KY: variants seen among roughly 807,000 people sequenced by gnomAD.
KY encodes the protein kyphoscoliosis peptidase.
KY carries 43 observed loss-of-function variants against 76.1 expected under a neutral mutation model. The ratio of observed to expected loss-of-function variants is 0.57; its 90% CI spans 0.44 to 0.73. KY has a LOEUF of 0.73. Ranked by LOEUF, KY falls within the 30% of genes least tolerant of loss-of-function variation. The probability of loss-of-function intolerance (pLI) is 0.00; values close to 1 mark genes in which losing one functional copy is unlikely to be tolerated. For missense variants in KY, 722 were observed against 828.9 expected (o/e 0.87, Z 1.58); for synonymous variants, 277 against 326.2 (o/e 0.85, Z 1.63).
intron 10 of KY, chr3:134,606,970 C>T: frequency 1.0e-6 from 1 of 985,280 alleles, no homozygotes. Flanking sequence ...ACAGAACTAG[C>T]TACCACAAAG....
At chr3:134,644,091 C>T (rs903544828) in intron 2 of KY, among the ~76,000 whole-genome samples, 1 of 152,186 alleles carries the variant, frequency 6.6e-6, no homozygotes, top group Non-Finnish European at 1.5e-5. Context: ...TCCCAAAGTG[C>T]TGGGATTATA....
chr3:134,643,495 A>G, intron 2 of KY, 117 bp from the exon 3 acceptor site: 2 of 755,044 alleles, frequency 2.6e-6, no homozygotes, highest in Non-Finnish European at 4.6e-6. Flanking sequence ...GCACATCCCC[A>G]GGCCTAAATG....
intron 3 of KY, among the ~76,000 whole-genome samples, chr3:134,631,634 T>C (rs1267066758): frequency 6.6e-6 from 1 of 152,176 alleles, no homozygotes; most frequent in African/African-American, 2.4e-5. Flanking sequence ...TTCCTCATTC[T>C]ACTTGAAATG....
In KY at chr3:134,603,367, G is replaced by T. The variant is rs1959052931; in HGVS notation, c.*212C>A. 1 of 491,662 alleles carries T rather than the reference G, an allele frequency of 2.0e-6. No individual in the cohort carries two copies. The highest frequency in any genetic ancestry group is 4.0e-5 in the South Asian group (1 of 24,892). 30.5% of individuals were successfully genotyped at this position (491,662 alleles called of 1,614,324 possible). A position where few individuals can be genotyped will look rare whatever the true frequency, so the allele number is the denominator to read the frequency against. On this transcript the variant is annotated 3_prime_UTR_variant, in exon 11 of 11. Coordinates refer to ENST00000423778, the MANE Select transcript of KY (RefSeq NM_178554.6). The stretch of plus-strand genomic sequence containing the variant: ...CACCTTTTCCTTCTAAAGAGCCACT[G>T]CCTCTGCCCCCTCAGTCACAGCCAC...
chr3:134,633,042 A>G, intron 3 of KY, among the ~76,000 whole-genome samples: 1 of 152,060 alleles, frequency 6.6e-6, no homozygotes, highest in East Asian at 1.9e-4. Context: ...AAAAGTCACT[A>G]ACTACCACAA....
chr3:134,647,611 C>A, intron 1 of KY, 114 bp from the exon 2 acceptor site: 1 of 620,340 alleles, frequency 1.6e-6, no homozygotes, highest in Non-Finnish European at 2.9e-6. Context: ...CTCTTGGAAT[C>A]TGAGAGAGGC....
intron 3 of KY, 115 bp downstream of exon 3, chr3:134,643,201 G>A: frequency 1.1e-6 from 1 of 936,062 alleles, no homozygotes; most frequent in Non-Finnish European, 1.7e-6. Flanking sequence ...CATGGGAGCA[G>A]AGAGGACCCT....
chr3:134,629,778 A>G, intron 3 of KY, 83 bp from the exon 4 acceptor site: 1 of 831,688 alleles, frequency 1.2e-6, no homozygotes, highest in Non-Finnish European at 2.0e-6. Context: ...TTGAATAAAA[A>G]AACAATTAGT....
rs1204797000 is a variant in KY at position 134,602,244 on chromosome 3, G to T, written c.*1335C>A. On this transcript the variant is annotated 3_prime_UTR_variant, in exon 11 of 11. Transcript: ENST00000423778. Reference sequence around the variant, plus strand: ...GCAGTGGCCATGTGGGGCCTCTCTCGCCTTTCCCTCTTATCTGCCCTCGCT... The same window carrying T: ...GCAGTGGCCATGTGGGGCCTCTCTCTCCTTTCCCTCTTATCTGCCCTCGCT... Among the ~76,000 whole-genome samples, 2 of 152,126 alleles carry T rather than the reference G, an allele frequency of 1.3e-5. No homozygotes were observed. Among genetic ancestry groups the T allele is most frequent in the Non-Finnish European group, 2.9e-5 (2 of 68,008 alleles).
At position 134,608,979 on chromosome 3, in the gene KY, C is replaced by CATGT. The variant is rs1959781427; in HGVS notation, c.900-141_900-140insACAT. 5.3e-6 allele frequency: 5 copies of CATGT among 949,754 alleles called. No homozygotes were observed. The African/African-American group carries it at 8.3e-5, about 16-fold the overall frequency. The allele number at this position is 949,754 out of a possible 1,614,324, so 58.8% of individuals were successfully genotyped here. On this transcript the variant is annotated intron_variant, in intron 9 of 10. Transcript: ENST00000423778. Reference sequence around the variant, plus strand: ...ACCCTAACATGGGCACTGGAGACTCCTCCTCAGTGGATGCTTCCAGAAATT... The same window carrying CATGT: ...ACCCTAACATGGGCACTGGAGACTCCATGTTCCTCAGTGGATGCTTCCAGAAATT...
chr3:134,650,716 T>A lies in KY; in HGVS notation c.136+109A>T, dbSNP rs190153815. 4.7e-4 allele frequency: 502 copies of A among 1,061,136 alleles called. 3 individuals are homozygous for A. Among genetic ancestry groups the A allele is most frequent in the Admixed American group, 1.2e-3 (40 of 32,150 alleles). The allele number at this position is 1,061,136 out of a possible 1,614,324, so 65.7% of individuals were successfully genotyped here. A position where few individuals can be genotyped will look rare whatever the true frequency, so the allele number is the denominator to read the frequency against. On this transcript the variant is annotated intron_variant, in intron 1 of 10. Coordinates refer to ENST00000423778, the MANE Select transcript of KY (RefSeq NM_178554.6). ...GCAGCCATGGGGGAGAGGGTCGGGT[T>A]CGCTGACCTCGTTCGGGGGAGCAAT...
chr3:134,650,619 A>G (rs1230523544), intron 1 of KY, among the ~76,000 whole-genome samples: 1 of 152,170 alleles, frequency 6.6e-6, no homozygotes, highest in Admixed American at 6.5e-5. Flanking sequence ...AACTGGGGCA[A>G]TCACGGGGCT....
At position 134,650,875 on chromosome 3, in the gene KY, G is replaced by A. The variant is rs1295691500; in HGVS notation, c.86C>T (p.Thr29Met). The change falls in exon 1 of 11, where the codon ACG becomes ATG. Residue 29 changes from threonine (T) to methionine (M), a missense_variant. Coordinates refer to ENST00000423778, the MANE Select transcript of KY (RefSeq NM_178554.6). The part of the protein sequence containing the change: ...HSEKRRAAQG[T>M]LSDQQANPSS... ...CGGGTTCGCCTGCTGGTCTGAGAGCGTACCCTGTGCGGCGCGCCGCTTCTC... is the reference window on the plus strand; with the variant it reads ...CGGGTTCGCCTGCTGGTCTGAGAGCATACCCTGTGCGGCGCGCCGCTTCTC... 26 of 1,612,548 alleles carry A rather than the reference G, an allele frequency of 1.6e-5. No homozygotes were observed. Among genetic ancestry groups the A allele is most frequent in the Non-Finnish European group, 2.0e-5 (23 of 1,179,358 alleles).
chr3:134,643,160 C>T (rs549798873), intron 3 of KY, among the ~76,000 whole-genome samples, 156 bp downstream of exon 3: 3 of 151,724 alleles, frequency 2.0e-5, no homozygotes, highest in South Asian at 4.2e-4. Flanking sequence ...TCCCATGAGA[C>T]GCAGGGAGAG....
Position 134,647,458 on chromosome 3 carries a change from T to C in KY, c.176A>G (p.Lys59Arg). The C allele has an allele frequency of 6.2e-7, 1 of 1,612,266 alleles. No homozygotes were observed. Among genetic ancestry groups the C allele is most frequent in the South Asian group, 1.1e-5 (1 of 90,756 alleles). ...ACCGTGAAAGTCATTTCCTTCTAATTTCTGCCATCTTCGGACTCCATTTCC... is the reference window on the plus strand; with the variant it reads ...ACCGTGAAAGTCATTTCCTTCTAATCTCTGCCATCTTCGGACTCCATTTCC... ...GVGNGVRRWQ[K>R]LEGNDFHENL... The change falls in exon 2 of 11, where the codon AAA (lysine) becomes AGA (arginine). Residue 59 changes from lysine to arginine, a missense_variant. Transcript: ENST00000423778.
At chr3:134,650,684 A>G in intron 1 of KY, 141 bp downstream of exon 1, 1 of 747,564 alleles carries the variant, frequency 1.3e-6, no homozygotes, top group Middle Eastern at 4.0e-4. Context: ...ACTGCGGGGA[A>G]GCGACGGCAG....
chr3:134,606,919 C>T, intron 10 of KY: 2 of 985,274 alleles, frequency 2.0e-6, no homozygotes, highest in South Asian at 9.4e-5. Flanking sequence ...TTCTGCTCAT[C>T]TCAGTTTCCC....
intron 5 of KY, among the ~76,000 whole-genome samples, chr3:134,625,409 C>T (rs962684672): frequency 2.6e-5 from 4 of 152,266 alleles, no homozygotes; most frequent in African/African-American, 4.8e-5. Flanking sequence ...AAGTAGGAAA[C>T]GGGCTTAACC....
chr3:134,644,739 C>A (rs1464904238), intron 2 of KY, among the ~76,000 whole-genome samples: 1 of 152,200 alleles, frequency 6.6e-6, no homozygotes, highest in Non-Finnish European at 1.5e-5. Flanking sequence ...CATGCAGAAG[C>A]CAATCAAGGT....
Sources: gnomAD v4.1 joint callset for allele counts (sites outside exome capture counted in the v4.1 genomes callset) on GRCh38, gnomAD v4.1.1 for gene constraint, MANE v1.5 for transcripts, NCBI Gene and HGNC (gene_info 2026-07-23, HGNC 2026-07-21) for gene names.